CRB1: variants seen among roughly 807,000 people sequenced by gnomAD.
The protein encoded by CRB1 is protein crumbs homolog 1.
In CRB1, 83 loss-of-function variants were observed where a neutral mutation model predicts 120.0. The observed-to-expected ratio is 0.69, with a 90% confidence interval of 0.58 to 0.83. The LOEUF (loss-of-function observed/expected upper bound fraction) is 0.83, where lower values mean the gene tolerates loss of function less well. CRB1 is among the 40% of genes least tolerant of loss of function. The probability of loss-of-function intolerance (pLI) is 0.00; values close to 1 mark genes in which losing one functional copy is unlikely to be tolerated. For missense variants in CRB1, 1,699 were observed against 1,687.6 expected (o/e 1.01, Z -0.12); for synonymous variants, 625 against 612.5 (o/e 1.02, Z -0.30).
At chr1:197,214,943 A>G in the CRB1 span, among the ~76,000 whole-genome samples, 1 of 152,176 alleles carries the variant, frequency 6.6e-6, no homozygotes, top group Non-Finnish European at 1.5e-5. Context: ...ACAAAACAAA[A>G]AGACTGGCAA....
At chr1:197,296,923 G>A (rs893108606) in intron 1 of CRB1, among the ~76,000 whole-genome samples, 1 of 152,008 alleles carries the variant, frequency 6.6e-6, no homozygotes, top group East Asian at 1.9e-4. Context: ...GAAATTGTGA[G>A]TCCATTAAAC....
At chr1:197,453,539 T>TATATATAGAG (rs1553266395) in intron 11 of CRB1, among the ~76,000 whole-genome samples, 1 of 58,512 alleles carries the variant, frequency 1.7e-5, no homozygotes, top group African/African-American at 4.1e-5. Flanking sequence ...TATATATATA[T>TATATATAGAG]AGAGAGAGAG....
intron 5 of CRB1, among the ~76,000 whole-genome samples, chr1:197,374,218 G>T (rs1479598322): frequency 6.6e-6 from 1 of 152,144 alleles, no homozygotes; most frequent in Non-Finnish European, 1.5e-5. Flanking sequence ...TTTGATTCTA[G>T]TTGTTCTCAT....
chr1:197,468,240 T>C (rs1666833765), intron 11 of CRB1, among the ~76,000 whole-genome samples: 1 of 152,032 alleles, frequency 6.6e-6, no homozygotes, highest in South Asian at 2.1e-4. Context: ...TGTTTTTCCT[T>C]CATGTTCACC....
intron 2 of CRB1, among the ~76,000 whole-genome samples, chr1:197,332,533 G>C (rs1485377505): frequency 6.6e-6 from 1 of 152,096 alleles, no homozygotes; most frequent in Non-Finnish European, 1.5e-5. Context: ...ATTATTAGCT[G>C]GTTAGGCTTG....
chr1:197,220,603 A>G, the CRB1 span, among the ~76,000 whole-genome samples: 1 of 152,330 alleles, frequency 6.6e-6, no homozygotes, highest in Admixed American at 6.5e-5. Context: ...ATGACAGCTA[A>G]TGTTTGGCAA....
At chr1:197,305,263 T>C (rs1350969964) in intron 1 of CRB1, among the ~76,000 whole-genome samples, 1 of 152,166 alleles carries the variant, frequency 6.6e-6, no homozygotes, top group Non-Finnish European at 1.5e-5. Context: ...ATTTGTAATG[T>C]AATTTTATTA....
chr1:197,336,146 G>T (rs550950055), intron 2 of CRB1, among the ~76,000 whole-genome samples: 4 of 152,254 alleles, frequency 2.6e-5, no homozygotes, highest in African/African-American at 9.6e-5. Context: ...GATAATTCCT[G>T]TTCCTCTTGG....
At chr1:197,461,670 T>C (rs889197435) in intron 11 of CRB1, among the ~76,000 whole-genome samples, 4 of 152,138 alleles carry the variant, frequency 2.6e-5, no homozygotes, top group Non-Finnish European at 4.4e-5. Flanking sequence ...GACATTGCAA[T>C]TCACAAGCTC....
the CRB1 span, among the ~76,000 whole-genome samples, chr1:197,240,984 C>T: frequency 3.3e-5 from 5 of 152,084 alleles, no homozygotes; most frequent in African/African-American, 1.2e-4. Context: ...GTTTGTTGGC[C>T]TCATAAATGT....
At chr1:197,245,295 T>C in the CRB1 span, among the ~76,000 whole-genome samples, 2 of 152,062 alleles carry the variant, frequency 1.3e-5, no homozygotes, top group Non-Finnish European at 2.9e-5. Context: ...ACTTCAAGAA[T>C]GTTTGTAATT....
intron 5 of CRB1, among the ~76,000 whole-genome samples, chr1:197,376,203 C>A (rs1661637607): frequency 6.6e-6 from 1 of 152,144 alleles, no homozygotes; most frequent in African/African-American, 2.4e-5. Flanking sequence ...TGGAAAATCT[C>A]ATGTAATCTC....
chr1:197,421,183 A>G lies in CRB1; in HGVS notation c.1355A>G (p.Asn452Ser). The G allele has an allele frequency of 6.2e-7, 1 of 1,614,230 alleles. No individual in the cohort carries two copies. Among genetic ancestry groups the G allele is most frequent in the Non-Finnish European group, 8.5e-7 (1 of 1,180,042 alleles). ...GGCTGTACCCATCAGCAATGTCTAA[A>G]TAATGGAACATGCATCCCTCACTTC... is the stretch of plus-strand genomic sequence containing the variant. ...LLGCTHQQCL[N>S]NGTCIPHFQD... is the part of the protein sequence containing the mutation. Residue 452 changes from asparagine (N) to serine (S), a missense_variant, in exon 6 of 12, where the codon AAT (asparagine) becomes AGT (serine). Coordinates refer to ENST00000367400, the MANE Select transcript of CRB1 (RefSeq NM_201253.3).
chr1:197,404,021 C>G (rs1346936691), intron 5 of CRB1, among the ~76,000 whole-genome samples: 1 of 152,204 alleles, frequency 6.6e-6, no homozygotes, highest in Non-Finnish European at 1.5e-5. Flanking sequence ...ACCAGTTTCA[C>G]AGATACTTCA....
chr1:197,378,271 G>A (rs961800366), intron 5 of CRB1, among the ~76,000 whole-genome samples: 3 of 152,078 alleles, frequency 2.0e-5, no homozygotes, highest in South Asian at 2.1e-4. Context: ...TTTCAAATTC[G>A]ATCAAACAAA....
rs914125188 is a variant in CRB1 at position 197,475,788 on chromosome 1, T to C, written c.4006-1876T>C. Among the ~76,000 whole-genome samples the C allele has an allele frequency of 2.0e-5, 3 of 152,274 alleles. No homozygotes were observed. The South Asian group carries it at 6.2e-4, about 32-fold the overall frequency. The stretch of plus-strand genomic sequence containing the variant: ...ATGGTCAATGTATTGGTCAATATAG[T>C]ATTTTCTCTCACCAACTCTTTTCAC... On this transcript the variant is annotated intron_variant, in intron 11 of 11. Coordinates refer to ENST00000367400, the MANE Select transcript of CRB1 (RefSeq NM_201253.3).
chr1:197,243,617 T>G, the CRB1 span, among the ~76,000 whole-genome samples: 1 of 152,124 alleles, frequency 6.6e-6, no homozygotes, highest in Non-Finnish European at 1.5e-5. Context: ...TTAGAATAAG[T>G]GTGATATGGT....
intron 5 of CRB1, among the ~76,000 whole-genome samples, chr1:197,364,358 T>C (rs904587536): frequency 1.3e-5 from 2 of 152,246 alleles, no homozygotes; most frequent in Non-Finnish European, 2.9e-5. Context: ...TATGACTTGG[T>C]GTTAACTTAT....
chr1:197,282,603 A>G (rs1301397404), intron 1 of CRB1, among the ~76,000 whole-genome samples: 1 of 151,928 alleles, frequency 6.6e-6, no homozygotes, highest in Non-Finnish European at 1.5e-5. Context: ...AACACAGTCC[A>G]GTAATCAAAA....
Sources: allele counts gnomAD v4.1 joint callset (sites outside exome capture counted in the v4.1 genomes callset), GRCh38; gene constraint gnomAD v4.1.1; transcripts MANE v1.5; gene names NCBI Gene and HGNC (gene_info 2026-07-23, HGNC 2026-07-21).